Variants in DGCR2 observed in about 807,000 individuals in gnomAD.
DGCR2 encodes the protein DiGeorge syndrome critical region gene 2, also known as integral membrane protein DGCR2/IDD.
DGCR2 carries 24 observed loss-of-function variants against 51.6 expected under a neutral mutation model. The ratio of observed to expected loss-of-function variants is 0.47; its 90% confidence interval spans 0.34 to 0.65. The LOEUF (loss-of-function observed/expected upper bound fraction) is 0.65. Among genes scored for constraint, DGCR2 ranks in the 30% least tolerant of loss-of-function variants. The probability of loss-of-function intolerance (pLI) is 0.01; values close to 1 mark genes in which losing one functional copy is unlikely to be tolerated. For missense variants in DGCR2, 765 were observed against 772.1 expected, an observed-to-expected ratio of 0.99 and a Z score of 0.11; for synonymous variants, 340 against 315.4, an observed-to-expected ratio of 1.08 and a Z score of -0.82.
chr22:19,119,738 A>AT (rs2083411524), intron 1 of DGCR2, among the ~76,000 whole-genome samples: 2 of 150,592 alleles, frequency 1.3e-5, no homozygotes, highest in Non-Finnish European at 3.0e-5. Flanking sequence ...TCTGTCTCAA[A>AT]AAAAAAAAAA....
intron 1 of DGCR2, among the ~76,000 whole-genome samples, chr22:19,110,237 G>A (rs1032340814): frequency 6.6e-6 from 1 of 152,218 alleles, no homozygotes; most frequent in African/African-American, 2.4e-5. Flanking sequence ...GTGCTGATGA[G>A]GGTGCCTGAT....
intron 2 of DGCR2, among the ~76,000 whole-genome samples, chr22:19,077,791 T>C (rs565457008): frequency 1.3e-5 from 2 of 152,238 alleles, no homozygotes; most frequent in Non-Finnish European, 2.9e-5. Flanking sequence ...TCTTACGTTT[T>C]ACAGTCCATG....
At chr22:19,045,143 G>A (rs2082474968) in intron 7 of DGCR2, 1 of 152,218 alleles carries the variant, frequency 6.6e-6, no homozygotes, top group African/African-American at 2.4e-5. Flanking sequence ...CAGTAGGAGG[G>A]ACAGTGTAAG....
chr22:19,040,920 G>A, intron 9 of DGCR2, 138 bp downstream of exon 9: 1 of 781,100 alleles, frequency 1.3e-6, no homozygotes. Context: ...CCCAGGAGAA[G>A]CCTTAAAGGA....
intron 6 of DGCR2, among the ~76,000 whole-genome samples, chr22:19,055,548 G>GTAAA (rs138264360): frequency 0.019 from 2,882 of 151,936 alleles, 89 homozygotes; most frequent in East Asian, 0.061. Flanking sequence ...TCTAATAAAT[G>GTAAA]TAAATAAATA....
chr22:19,113,482 C>G (rs1390245751), intron 1 of DGCR2, among the ~76,000 whole-genome samples: 17 of 152,206 alleles, frequency 1.1e-4, no homozygotes, highest in Admixed American at 1.0e-3. Flanking sequence ...TCGCAGCATA[C>G]TCTAGTAGCT....
intron 2 of DGCR2, among the ~76,000 whole-genome samples, chr22:19,074,532 C>G (rs1484955194): frequency 6.6e-6 from 1 of 152,024 alleles, no homozygotes; most frequent in African/African-American, 2.4e-5. Context: ...GAGCACAGGG[C>G]CCAGACTCAC....
intron 7 of DGCR2, among the ~76,000 whole-genome samples, chr22:19,045,661 G>A (rs1232712225): frequency 6.6e-6 from 1 of 152,202 alleles, no homozygotes; most frequent in Non-Finnish European, 1.5e-5. Flanking sequence ...CTGGCCTCAA[G>A]CAATCCTCTT....
chr22:19,114,320 C>A (rs1465132094), intron 1 of DGCR2, among the ~76,000 whole-genome samples: 1 of 152,090 alleles, frequency 6.6e-6, no homozygotes, highest in African/African-American at 2.4e-5. Flanking sequence ...CTAGATTGTC[C>A]AGACAAGATC....
intron 2 of DGCR2, among the ~76,000 whole-genome samples, chr22:19,083,673 C>T (rs114247691): frequency 8.4e-6 from 1 of 119,328 alleles, no homozygotes; most frequent in African/African-American, 2.8e-5. Context: ...AAAGATGGTT[C>T]CCCTCTCCCT....
chr22:19,092,331 G>A (rs145909455), intron 1 of DGCR2, among the ~76,000 whole-genome samples: 321 of 141,794 alleles, frequency 2.3e-3, no homozygotes, highest in African/African-American at 8.5e-3. Flanking sequence ...GCGACAGAAC[G>A]AGACTCCATC....
Position 19,063,206 on chromosome 22 carries a change from G to A in DGCR2, c.621C>T (p.Phe207=). 6.2e-7 allele frequency: 1 copy of A among 1,614,064 alleles called. No individual in the cohort carries two copies. Among genetic ancestry groups the A allele is most frequent in the Non-Finnish European group, 8.5e-7 (1 of 1,179,970 alleles). The change falls in exon 5 of 10, where the codon TTC becomes TTT. Residue 207 remains phenylalanine (F), a synonymous_variant. Coordinates refer to ENST00000263196, the MANE Select transcript of DGCR2 (RefSeq NM_005137.3). ...RSLEGRWEVA[F]KGSSEVFLPP... is the part of the protein sequence containing the mutation. ...CCACACACCAGAAGGGCTCACCTTT[G>A]AATGCCACCTCCCAGCGACCTTCCA...
intron 7 of DGCR2, chr22:19,047,560 T>C (rs2146310998): frequency 6.6e-6 from 1 of 152,300 alleles, no homozygotes; most frequent in African/African-American, 2.4e-5. Context: ...TCTCTTGAGA[T>C]CTGAATTCAC....
chr22:19,058,623 C>T (rs1473743207), intron 5 of DGCR2, among the ~76,000 whole-genome samples: 1 of 152,218 alleles, frequency 6.6e-6, no homozygotes, highest in Non-Finnish European at 1.5e-5. Context: ...AAACAGGTTC[C>T]TTCCAATCTT....
chr22:19,040,959 G>C (rs2082423809), intron 9 of DGCR2, 99 bp downstream of exon 9: 1 of 1,075,794 alleles, frequency 9.3e-7, no homozygotes, highest in Admixed American at 2.6e-5. Flanking sequence ...GGAAAGAAGT[G>C]AGGTCCCTAG....
At chr22:19,102,352 C>T (rs2083211229) in intron 1 of DGCR2, among the ~76,000 whole-genome samples, 1 of 152,128 alleles carries the variant, frequency 6.6e-6, no homozygotes, top group African/African-American at 2.4e-5. Flanking sequence ...TAATGGTGCT[C>T]GTTCCATAAC....
At chr22:19,043,099 G>A (rs2082451106) in intron 7 of DGCR2, among the ~76,000 whole-genome samples, 1 of 152,240 alleles carries the variant, frequency 6.6e-6, no homozygotes, top group African/African-American at 2.4e-5. Flanking sequence ...TAGGCAGGAG[G>A]GGCCATGAAG....
intron 7 of DGCR2, among the ~76,000 whole-genome samples, chr22:19,045,948 A>G (rs189320904): frequency 3.3e-5 from 5 of 152,270 alleles, no homozygotes. Flanking sequence ...TACTGGTCAC[A>G]AACTCCTGAT....
chr22:19,109,503 G>A (rs1342413811), intron 1 of DGCR2, among the ~76,000 whole-genome samples: 4 of 152,154 alleles, frequency 2.6e-5, no homozygotes, highest in East Asian at 1.9e-4. Flanking sequence ...GAACCTTGAG[G>A]TAAAATAAGC....
Sources: gnomAD v4.1 joint callset for allele counts (sites outside exome capture counted in the v4.1 genomes callset) on GRCh38, gnomAD v4.1.1 for gene constraint, MANE v1.5 for transcripts, NCBI Gene and HGNC (gene_info 2026-07-23, HGNC 2026-07-21) for gene names.